The following SEMA3E variants were observed in gnomAD, a reference collection of about 807,000 sequenced individuals.
SEMA3E encodes semaphorin-3E.
Under a neutral mutation model 93.6 loss-of-function variants are expected in SEMA3E, and 49 were observed. The observed-to-expected ratio is 0.52, with a 90% confidence interval of 0.42 to 0.66. SEMA3E has a LOEUF of 0.66. Ranked by LOEUF, SEMA3E falls within the 30% of genes least tolerant of loss-of-function variation. SEMA3E has a pLI of 0.00. For synonymous variants in SEMA3E, 363 were observed against 330.7 expected (o/e 1.10, Z -1.06); for missense variants, 906 against 964.8 (o/e 0.94, Z 0.81).
intron 2 of SEMA3E, among the ~76,000 whole-genome samples, chr7:83,483,522 T>C (rs2115951725): frequency 6.6e-6 from 1 of 152,286 alleles, no homozygotes; most frequent in Non-Finnish European, 1.5e-5. Context: ...GATCCCTAGG[T>C]TTTGCCAGAC....
intron 1 of SEMA3E, among the ~76,000 whole-genome samples, chr7:83,566,718 A>G (rs966659339): frequency 6.6e-6 from 1 of 152,192 alleles, no homozygotes; most frequent in Admixed American, 6.5e-5. Flanking sequence ...TCTGGAAGCT[A>G]AAGAATGATA....
At chr7:83,412,693 T>TAG (rs1332772154) in intron 5 of SEMA3E, among the ~76,000 whole-genome samples, 13 of 150,122 alleles carry the variant, frequency 8.7e-5, no homozygotes, top group Non-Finnish European at 1.0e-4. Flanking sequence ...GCCAGGCAGG[T>TAG]AGAGGCTGCA....
At chr7:83,375,880 CA>C (rs1293785508) in intron 16 of SEMA3E, among the ~76,000 whole-genome samples, 7 of 151,980 alleles carry the variant, frequency 4.6e-5, no homozygotes, top group Admixed American at 3.9e-4. Flanking sequence ...TCCATTTATA[CA>C]ATAGGAACTC....
chr7:83,517,356 C>T (rs911069314), intron 1 of SEMA3E, among the ~76,000 whole-genome samples: 1 of 152,136 alleles, frequency 6.6e-6, no homozygotes, highest in South Asian at 2.1e-4. Flanking sequence ...GTACTAAAAT[C>T]ATCAACAACG....
chr7:83,466,780 T>A (rs1279198519), intron 3 of SEMA3E, among the ~76,000 whole-genome samples, 179 bp from the exon 4 acceptor site: 1 of 152,178 alleles, frequency 6.6e-6, no homozygotes, highest in Non-Finnish European at 1.5e-5. Flanking sequence ...ACTGGGGTGA[T>A]TGAAACACAT....
intron 16 of SEMA3E, among the ~76,000 whole-genome samples, chr7:83,370,123 T>C (rs1794730966): frequency 6.6e-6 from 1 of 152,186 alleles, no homozygotes; most frequent in African/African-American, 2.4e-5. Flanking sequence ...ATCCATTTGA[T>C]AGTACTTTTA....
At chr7:83,639,915 A>G (rs1247304789) in intron 1 of SEMA3E, among the ~76,000 whole-genome samples, 5 of 152,008 alleles carry the variant, frequency 3.3e-5, no homozygotes, top group African/African-American at 4.8e-5. Context: ...CTACATTTCT[A>G]TACTTGGAAA....
intron 1 of SEMA3E, among the ~76,000 whole-genome samples, chr7:83,495,930 G>A (rs909930083): frequency 1.7e-4 from 26 of 151,964 alleles, no homozygotes; most frequent in African/African-American, 5.8e-4. Flanking sequence ...TGTACGAGAC[G>A]TCTCATTTTT....
At chr7:83,377,961 T>C (rs1288867924) in intron 16 of SEMA3E, among the ~76,000 whole-genome samples, 1 of 151,956 alleles carries the variant, frequency 6.6e-6, no homozygotes, top group African/African-American at 2.4e-5. Context: ...TTTTTGTAGT[T>C]ATTATGGAGG....
intron 1 of SEMA3E, among the ~76,000 whole-genome samples, chr7:83,508,324 G>A (rs1252013146): frequency 2.0e-5 from 3 of 148,844 alleles, no homozygotes; most frequent in Non-Finnish European, 4.4e-5. Context: ...GTGCAATGGT[G>A]CGATCTCAAC....
chr7:83,491,602 T>G (rs886420483), intron 1 of SEMA3E, among the ~76,000 whole-genome samples: 5 of 151,986 alleles, frequency 3.3e-5, no homozygotes, highest in Admixed American at 2.6e-4. Context: ...AGAATAAGTT[T>G]TGAGGGTGGG....
intron 2 of SEMA3E, among the ~76,000 whole-genome samples, chr7:83,484,029 C>T (rs1790201758): frequency 6.6e-6 from 1 of 152,130 alleles, no homozygotes. Flanking sequence ...ACCTCAAACC[C>T]ATCTGTGAAA....
At chr7:83,572,582 T>C (rs1056571769) in intron 1 of SEMA3E, among the ~76,000 whole-genome samples, 5 of 151,938 alleles carry the variant, frequency 3.3e-5, no homozygotes, top group African/African-American at 1.2e-4. Flanking sequence ...GAGGTTGCAG[T>C]GAGCTGAGAT....
At chr7:83,614,937 A>G (rs778532425) in intron 1 of SEMA3E, among the ~76,000 whole-genome samples, 1 of 152,172 alleles carries the variant, frequency 6.6e-6, no homozygotes. Flanking sequence ...TTCACCAACA[A>G]TCAAATTTAA....
At chr7:83,472,045 A>C (rs1230058371) in intron 2 of SEMA3E, among the ~76,000 whole-genome samples, 4 of 151,812 alleles carry the variant, frequency 2.6e-5, no homozygotes, top group African/African-American at 9.7e-5. Flanking sequence ...TTTCTTATCA[A>C]CTCTCCCAGC....
intron 1 of SEMA3E, among the ~76,000 whole-genome samples, chr7:83,616,079 GT>G (rs1793362193): frequency 6.6e-6 from 1 of 152,032 alleles, no homozygotes; most frequent in South Asian, 2.1e-4. Flanking sequence ...ACCCGTTGGG[GT>G]CCCTTTCAAA....
chr7:83,412,929 A>G (rs1160860370), intron 5 of SEMA3E, among the ~76,000 whole-genome samples: 2 of 152,274 alleles, frequency 1.3e-5, no homozygotes, highest in Non-Finnish European at 2.9e-5. Flanking sequence ...TTAAAACAGG[A>G]ACTCTATTTT....
At chr7:83,472,351 T>C (rs1295307665) in intron 2 of SEMA3E, among the ~76,000 whole-genome samples, 1 of 152,162 alleles carries the variant, frequency 6.6e-6, no homozygotes, top group Non-Finnish European at 1.5e-5. Flanking sequence ...CTTTTAAAAA[T>C]TCATATTTAT....
chr7:83,403,724 T>C (rs574742135), intron 9 of SEMA3E, among the ~76,000 whole-genome samples: 43 of 152,040 alleles, frequency 2.8e-4, no homozygotes, highest in African/African-American at 1.0e-3. Context: ...ACAGCAGTTA[T>C]GTTACTGTCC....
Sources: gnomAD v4.1 joint callset for allele counts (sites outside exome capture counted in the v4.1 genomes callset) on GRCh38, gnomAD v4.1.1 for gene constraint, MANE v1.5 for transcripts, NCBI Gene and HGNC (gene_info 2026-07-23, HGNC 2026-07-21) for gene names.